The following FAM186B variants were observed in gnomAD, a reference collection of about 807,000 sequenced individuals.
FAM186B encodes the protein family with sequence similarity 186 member B.
A neutral mutation model predicts 83.4 loss-of-function variants in FAM186B; 68 were observed. The ratio of observed to expected loss-of-function variants is 0.81; its 90% CI spans 0.67 to 1.00. The LOEUF (loss-of-function observed/expected upper bound fraction) is 1.00. Ranked by LOEUF, FAM186B falls within the 50% of genes least tolerant of loss-of-function variation. FAM186B has a pLI of 0.00. For missense variants in FAM186B, 983 were observed against 1,099.2 expected, an observed-to-expected ratio of 0.89 and a Z score of 1.49; for synonymous variants, 389 against 422.0, an observed-to-expected ratio of 0.92 and a Z score of 0.96.
chr12:49,599,414 C>G, intron 4 of FAM186B, 55 bp downstream of exon 4: 1 of 1,500,328 alleles, frequency 6.7e-7, no homozygotes, highest in Non-Finnish European at 8.9e-7. Flanking sequence ...TGGGTTTAGG[C>G]TCTGCCAACA....
At chr12:49,616,719 G>A in the FAM186B span, among the ~76,000 whole-genome samples, 4 of 152,222 alleles carry the variant, frequency 2.6e-5, no homozygotes, top group Non-Finnish European at 5.9e-5. Flanking sequence ...CAGGTCAGCA[G>A]GGAGGAGACT....
chr12:49,585,986 G>A (rs1939434944), downstream of FAM186B, among the ~76,000 whole-genome samples: 8 of 152,190 alleles, frequency 5.3e-5, no homozygotes, highest in Admixed American at 5.2e-4. Context: ...AATGCAGGGA[G>A]CCCCCACACT....
At chr12:49,604,622 C>A in intron 1 of FAM186B, 84 bp from the exon 2 acceptor site, 1 of 1,088,876 alleles carries the variant, frequency 9.2e-7, no homozygotes, top group South Asian at 1.4e-5. Context: ...TTGGACAAGT[C>A]GCTTAGCCTC....
intron 5 of FAM186B, among the ~76,000 whole-genome samples, chr12:49,597,628 G>T (rs1317074588): frequency 1.3e-5 from 2 of 152,076 alleles, no homozygotes; most frequent in Non-Finnish European, 2.9e-5. Flanking sequence ...AGAGGAGAGA[G>T]AAAAATGGCA....
the FAM186B span, chr12:49,619,325 G>A: frequency 2.9e-6 from 1 of 343,858 alleles, no homozygotes; most frequent in Non-Finnish European, 5.2e-6. Flanking sequence ...GATTATTCAA[G>A]CAATCACTGT....
chr12:49,603,728 C>G (rs1476961326), intron 2 of FAM186B, among the ~76,000 whole-genome samples: 6 of 152,194 alleles, frequency 3.9e-5, no homozygotes, highest in Non-Finnish European at 8.8e-5. Context: ...TAAGCAGAAT[C>G]AACAGCTCTG....
chr12:49,611,820 C>G, the FAM186B span, among the ~76,000 whole-genome samples: 1 of 144,048 alleles, frequency 6.9e-6, no homozygotes, highest in South Asian at 2.3e-4. Context: ...GATCATGCCA[C>G]TGCACTCCAG....
chr12:49,599,960 GA>G lies in FAM186B; in HGVS notation c.1679del (p.Phe560SerfsTer17), dbSNP rs774701559. On this transcript the variant is annotated frameshift_variant, in exon 4 of 7. Transcript: ENST00000257894. LOFTEE classifies it high-confidence loss of function. ...QLGEDVERRI[F>X]TPTSRWRDLE... is the part of the protein sequence containing the mutation. ...AGTCCCTCCATCGACTGGTGGGTGT[GA>G]AGATCCTCCTCTCCACATCCTCCCC... 3.1e-6 allele frequency: 5 copies of G among 1,613,754 alleles called. No individual in the cohort carries two copies. The highest frequency in any genetic ancestry group is 4.2e-6 in the Non-Finnish European group (5 of 1,179,932).
chr12:49,593,137 G>C (rs956973136), intron 5 of FAM186B: 5 of 152,190 alleles, frequency 3.3e-5, no homozygotes, highest in Non-Finnish European at 7.3e-5. Flanking sequence ...ACTAAAGTTG[G>C]AATAATACAG....
In FAM186B at chr12:49,599,682, GA is replaced by G. The variant is rs1274086790; in HGVS notation, c.1957del (p.Ser653ProfsTer24). On this transcript the variant is annotated frameshift_variant, in exon 4 of 7. Coordinates refer to ENST00000257894, the MANE Select transcript of FAM186B (RefSeq NM_032130.3). LOFTEE classifies it high-confidence loss of function. ...RRLTWPSLQI[S>X]PANIKKKVYH... ...CACCTTCTTCTTAATATTTGCAGGG[GA>G]TATCTGCAAAGAGGGCCAGGTCAGC... The G allele has an allele frequency of 1.8e-5, 29 of 1,608,076 alleles. No individual in the cohort carries two copies. The highest frequency in any genetic ancestry group is 2.4e-5 in the Non-Finnish European group (28 of 1,177,176).
At chr12:49,584,644 G>A (rs1375572312), downstream of FAM186B, 3 of 702,180 alleles carry the variant, frequency 4.3e-6, no homozygotes, top group Non-Finnish European at 7.8e-6. Context: ...TACAGGTGGG[G>A]GAGTAACTGA....
At chr12:49,589,145 C>T (rs981327642) in intron 5 of FAM186B, among the ~76,000 whole-genome samples, 5 of 152,214 alleles carry the variant, frequency 3.3e-5, no homozygotes, top group African/African-American at 1.2e-4. Flanking sequence ...GATATGAAAC[C>T]TCCATGGCCA....
At chr12:49,586,278 G>T, downstream of FAM186B, among the ~76,000 whole-genome samples, 1 of 152,172 alleles carries the variant, frequency 6.6e-6, no homozygotes, top group East Asian at 1.9e-4. Context: ...GAGACATGAA[G>T]GAATTTTAGA....
intron 1 of FAM186B, 190 bp from the exon 2 acceptor site, chr12:49,604,728 G>A: frequency 1.8e-6 from 1 of 561,410 alleles, no homozygotes; most frequent in Non-Finnish European, 3.1e-6. Flanking sequence ...ATATTTTAAA[G>A]TGCTTTTAAT....
chr12:49,604,484 G>C lies in FAM186B; in HGVS notation c.151C>G (p.Arg51Gly). 1.9e-6 allele frequency: 3 copies of C among 1,614,156 alleles called. No homozygotes were observed. The highest frequency in any genetic ancestry group is 2.5e-6 in the Non-Finnish European group (3 of 1,180,034). ...ILDNVNCVIN[R>G]FQEELGYDLK... ...TCATATCCTAATTCTTCCTGGAAGCGGTTGATGACACAATTGACATTGTCC... is the reference window on the plus strand; with the variant it reads ...TCATATCCTAATTCTTCCTGGAAGCCGTTGATGACACAATTGACATTGTCC... The change falls in exon 2 of 7, where the codon CGC becomes GGC. Residue 51 changes from arginine to glycine, a missense_variant. By Grantham distance (125) the Arg-to-Gly change is moderately radical. Coordinates refer to ENST00000257894, the MANE Select transcript of FAM186B (RefSeq NM_032130.3).
rs1939941512 is a variant in FAM186B at position 49,603,370 on chromosome 12, G to A, written c.323-3C>T. 6.2e-7 allele frequency: 1 copy of A among 1,614,086 alleles called. No individual in the cohort carries two copies. Among genetic ancestry groups the A allele is most frequent in the East Asian group, 2.2e-5 (1 of 44,880 alleles). ...AATCTCATAGGTCAGAGTGTCACCT[G>A]GAGAAGGGATGGGAGGTGCAGGCTG... On this transcript the variant is annotated splice_polypyrimidine_tract_variant and splice_region_variant and intron_variant, in intron 2 of 6. Coordinates refer to ENST00000257894, the MANE Select transcript of FAM186B (RefSeq NM_032130.3).
Position 49,600,932 on chromosome 12 carries a change from C to T in FAM186B, c.708G>A (p.Met236Ile), listed in dbSNP as rs768498943. 50 of 1,614,026 alleles carry T rather than the reference C, an allele frequency of 3.1e-5. No individual in the cohort carries two copies. The South Asian group carries it at 4.6e-4, about 15-fold the overall frequency. ...SKGEVRAIRYMATVVENLNKA... is the reference protein window; with the variant it reads ...SKGEVRAIRYIATVVENLNKA... Reference sequence around the variant, plus strand: ...TGTTGAGGTTCTCCACCACAGTGGCCATGTACCTGATGGCCCTGACCTCCC... The same window carrying T: ...TGTTGAGGTTCTCCACCACAGTGGCTATGTACCTGATGGCCCTGACCTCCC... The change falls in exon 4 of 7, where the codon ATG (methionine) becomes ATA (isoleucine). Residue 236 changes from methionine to isoleucine, a missense_variant. By Grantham distance (10) the Met-to-Ile change is conservative (BLOSUM62 1). Transcript: ENST00000257894. This position sits in a 1 kb window ranked among gnomAD's most constrained non-coding sequence, Gnocchi z 4.3.
chr12:49,614,058 G>A, the FAM186B span, among the ~76,000 whole-genome samples: 2 of 151,726 alleles, frequency 1.3e-5, no homozygotes, highest in African/African-American at 4.8e-5. Context: ...GCTGAGGCAG[G>A]AGAATCGCTT....
chr12:49,612,986 T>G, the FAM186B span, among the ~76,000 whole-genome samples: 1 of 152,136 alleles, frequency 6.6e-6, no homozygotes, highest in East Asian at 1.9e-4. Context: ...TGCTTGGCCA[T>G]AAAGCAAGTC....
Sources: allele counts gnomAD v4.1 joint callset (sites outside exome capture counted in the v4.1 genomes callset), GRCh38; gene constraint gnomAD v4.1.1; non-coding constraint Gnocchi (gnomAD v3.1); transcripts MANE v1.5; gene names NCBI Gene and HGNC (gene_info 2026-07-23, HGNC 2026-07-21).